Variants in ACYP2 observed in about 807,000 individuals in gnomAD.
ACYP2 encodes acylphosphatase 2.
A neutral mutation model predicts 11.2 loss-of-function variants in ACYP2; 12 were observed. The ratio of observed to expected loss-of-function variants is 1.08; its 90% CI spans 0.69 to 1.74. The LOEUF (loss-of-function observed/expected upper bound fraction) is 1.74. Ranked by LOEUF, ACYP2 falls within the 40% of genes most tolerant of loss-of-function variation. ACYP2 has a pLI of 0.00. For missense variants in ACYP2, 134 were observed against 101.9 expected (o/e 1.31, Z -1.35); for synonymous variants, 43 against 32.2 (o/e 1.33, Z -1.13).
At chr2:54,137,620 T>C (rs1681331424) in intron 5 of ACYP2, among the ~76,000 whole-genome samples, 1 of 152,234 alleles carries the variant, frequency 6.6e-6, no homozygotes, top group African/African-American at 2.4e-5. Flanking sequence ...TCTCATTCTT[T>C]TTTATGGCTG....
In ACYP2 at chr2:54,096,527, C is replaced by T. The variant is rs186459261; in HGVS notation, c.278-38926C>T. Among the ~76,000 whole-genome samples, 198 of 152,238 alleles carry T rather than the reference C, an allele frequency of 1.3e-3. 1 individual carries two copies. Among genetic ancestry groups the T allele is most frequent in the African/African-American group, 4.6e-3 (191 of 41,546 alleles). On this transcript the variant is annotated intron_variant, in intron 4 of 6. Transcript: ENST00000607452. ...AGCGAGCCAAGATCACGCCACTGCA[C>T]TCCAGCCTGGGCACCACTGAGCACT...
intron 4 of ACYP2, among the ~76,000 whole-genome samples, chr2:54,124,281 G>A (rs1181343180): frequency 6.6e-6 from 1 of 151,146 alleles, no homozygotes; most frequent in Non-Finnish European, 1.5e-5. Context: ...CGCAACCTCC[G>A]CCTACCAGGT....
chr2:54,006,476 T>A (rs1318068338), intron 2 of ACYP2, among the ~76,000 whole-genome samples: 1 of 151,918 alleles, frequency 6.6e-6, no homozygotes, highest in Non-Finnish European at 1.5e-5. Flanking sequence ...GTAGAGATGG[T>A]GTCTTGCTGT....
chr2:54,019,107 C>T (rs1673855463), intron 2 of ACYP2, among the ~76,000 whole-genome samples: 1 of 151,282 alleles, frequency 6.6e-6, no homozygotes, highest in Non-Finnish European at 1.5e-5. Context: ...TGCTCTGTCA[C>T]CCAAGTTGGA....
At chr2:54,284,683 G>A (rs570862178) in intron 6 of ACYP2, among the ~76,000 whole-genome samples, 1 of 152,038 alleles carries the variant, frequency 6.6e-6, no homozygotes, top group Non-Finnish European at 1.5e-5. Flanking sequence ...ATCATCTCCA[G>A]CCCTTTATAG....
intron 4 of ACYP2, among the ~76,000 whole-genome samples, chr2:54,095,377 C>A (rs1678470971): frequency 1.3e-5 from 2 of 152,384 alleles, no homozygotes; most frequent in African/African-American, 2.4e-5. Flanking sequence ...GTCATCCTGG[C>A]CCGTTCTCAA....
At chr2:54,000,137 T>C (rs56302494) in intron 2 of ACYP2, among the ~76,000 whole-genome samples, 39,542 of 151,368 alleles carry the variant, frequency 0.26, 5,818 homozygotes, top group South Asian at 0.47. Flanking sequence ...TTATATTATT[T>C]TACTAAGAAG....
chr2:54,038,799 G>GT (rs902594877), intron 2 of ACYP2, among the ~76,000 whole-genome samples: 9 of 75,088 alleles, frequency 1.2e-4, no homozygotes, highest in Non-Finnish European at 2.2e-4. Flanking sequence ...GTCAGAATAG[G>GT]TAAAAAAAAA....
intron 2 of ACYP2, among the ~76,000 whole-genome samples, chr2:53,996,172 G>A (rs574171409): frequency 1.4e-4 from 22 of 152,096 alleles, no homozygotes; most frequent in African/African-American, 4.3e-4. Context: ...ATGTACAAAC[G>A]GCTATTCTAG....
intron 2 of ACYP2, among the ~76,000 whole-genome samples, chr2:53,986,097 A>T (rs1322044821): frequency 6.6e-6 from 1 of 152,054 alleles, no homozygotes; most frequent in African/African-American, 2.4e-5. Flanking sequence ...ACTGCACTCC[A>T]GTCTGAGCAA....
At chr2:54,005,070 G>A (rs1237971361) in intron 2 of ACYP2, among the ~76,000 whole-genome samples, 1 of 151,572 alleles carries the variant, frequency 6.6e-6, no homozygotes, top group South Asian at 2.1e-4. Context: ...TAAAGAGTTA[G>A]CTTTAAAAAA....
intron 6 of ACYP2, among the ~76,000 whole-genome samples, chr2:54,194,660 T>G (rs75892777): frequency 6.6e-6 from 1 of 152,180 alleles, no homozygotes; most frequent in South Asian, 2.1e-4. Flanking sequence ...AATTTTGTTC[T>G]TTTTTTCTCT....
intron 6 of ACYP2, among the ~76,000 whole-genome samples, chr2:54,156,734 C>G (rs140940305): frequency 6.6e-6 from 1 of 152,120 alleles, no homozygotes; most frequent in African/African-American, 2.4e-5. Flanking sequence ...GGTATGATCT[C>G]GGCTCACTGC....
chr2:54,232,205 T>C (rs1472816621), intron 6 of ACYP2, among the ~76,000 whole-genome samples: 1 of 152,214 alleles, frequency 6.6e-6, no homozygotes, highest in Non-Finnish European at 1.5e-5. Flanking sequence ...TCACTCTGTC[T>C]TCCTCCATGG....
chr2:53,975,968 A>G (rs971428774), intron 2 of ACYP2, among the ~76,000 whole-genome samples: 3 of 152,204 alleles, frequency 2.0e-5, no homozygotes, highest in Non-Finnish European at 4.4e-5. Context: ...CCCTTCAAAG[A>G]AAATATTCTA....
intron 2 of ACYP2, among the ~76,000 whole-genome samples, chr2:53,980,713 TAC>T (rs1307946117): frequency 2.6e-5 from 4 of 152,060 alleles, no homozygotes; most frequent in Admixed American, 2.6e-4. Context: ...GTTCTAGTCC[TAC>T]AGACTCCATT....
chr2:54,070,311 G>A (rs1390672587), intron 4 of ACYP2, among the ~76,000 whole-genome samples: 1 of 151,706 alleles, frequency 6.6e-6, no homozygotes, highest in East Asian at 1.9e-4. Context: ...AAATACATGT[G>A]GAATCTGCTC....
rs148231616 is a variant in ACYP2, at chr2:54,148,184, A to C, written c.404+9436A>C. 2.4e-3 allele frequency among the ~76,000 whole-genome samples: 367 copies of C among 152,270 alleles called. 6 individuals are homozygous for C. The highest frequency in any genetic ancestry group is 1.4e-3 in the East Asian group (7 of 5,180). ...TATCTACTTGTGTTCCATTGGCTCA[A>C]ATAGGGTCATATGGTTACTCCTTGC... On this transcript the variant is annotated intron_variant, in intron 6 of 6. Transcript: ENST00000607452.
chr2:54,226,570 T>G (rs1236387576), intron 6 of ACYP2, among the ~76,000 whole-genome samples: 3 of 152,274 alleles, frequency 2.0e-5, no homozygotes, highest in Non-Finnish European at 4.4e-5. Flanking sequence ...GGGTATTTCT[T>G]AGGCTTGGGT....
Sources: gnomAD v4.1 joint callset for allele counts (sites outside exome capture counted in the v4.1 genomes callset) on GRCh38, gnomAD v4.1.1 for gene constraint, MANE v1.5 for transcripts, NCBI Gene and HGNC (gene_info 2026-07-23, HGNC 2026-07-21) for gene names.